Variants in DCAF7 observed in about 807,000 individuals in gnomAD.
DCAF7 encodes DDB1- and CUL4-associated factor 7.
A neutral mutation model predicts 41.2 loss-of-function variants in DCAF7; 4 were observed. That is an observed-to-expected ratio of 0.10 (90% CI 0.05 to 0.22). DCAF7 has a LOEUF of 0.22. DCAF7 is among the 10% of genes least tolerant of loss of function. The pLI, the probability that DCAF7 is intolerant of heterozygous loss-of-function variation, is 1.00. For missense variants in DCAF7, 131 were observed against 443.2 expected, an observed-to-expected ratio of 0.30 and a Z score of 6.32; for synonymous variants, 143 against 164.2, an observed-to-expected ratio of 0.87 and a Z score of 0.99.
chr17:63,559,351 A>ATATATATGTATG (rs2033347218), intron 1 of DCAF7, among the ~76,000 whole-genome samples: 1 of 132,528 alleles, frequency 7.5e-6, no homozygotes, highest in Admixed American at 8.0e-5. Flanking sequence ...ATATATACGT[A>ATATATATGTATG]TATATATGTA....
intron 1 of DCAF7, among the ~76,000 whole-genome samples, chr17:63,566,624 C>A (rs1362040908): frequency 6.6e-6 from 1 of 152,090 alleles, no homozygotes; most frequent in African/African-American, 2.4e-5. Context: ...TTGTTAAAAG[C>A]AAATTGCAGA....
At position 63,591,917 on chromosome 17, in the gene DCAF7, G is replaced by A. The variant is rs539931851; in HGVS notation, c.*2745G>A. ...AGCCTGAGGCACAGCTGCCTGTATT[G>A]TCCTCATCTGTTCTGACTGAAGGAT... is the stretch of plus-strand genomic sequence containing the variant. On this transcript the variant is annotated 3_prime_UTR_variant, in exon 7 of 7. Transcript: ENST00000614556. 1 of 152,382 alleles carries A rather than the reference G, an allele frequency of 6.6e-6. No homozygotes were observed. Among genetic ancestry groups the A allele is most frequent in the Admixed American group, 6.5e-5 (1 of 15,304 alleles). The allele number at this position is 152,382 out of a possible 1,614,324, so 9.4% of individuals were successfully genotyped here. A position where few individuals can be genotyped will look rare whatever the true frequency, so the allele number is the denominator to read the frequency against.
intron 1 of DCAF7, among the ~76,000 whole-genome samples, chr17:63,556,151 A>G (rs1236063959): frequency 6.6e-6 from 1 of 152,258 alleles, no homozygotes; most frequent in Admixed American, 6.5e-5. Context: ...TTTATTAACA[A>G]TTGTGGGAAA....
chr17:63,579,788 G>T, intron 3 of DCAF7, 37 bp from the exon 4 acceptor site: 1 of 1,542,828 alleles, frequency 6.5e-7, no homozygotes, highest in South Asian at 1.1e-5. Context: ...TGAGAACCTT[G>T]GTCCCGTCAG....
chr17:63,591,122 T>C lies in DCAF7; in HGVS notation c.*1950T>C, dbSNP rs1361183166. 1.3e-5 allele frequency: 2 copies of C among 152,166 alleles called. No homozygotes were observed. Among genetic ancestry groups the C allele is most frequent in the Non-Finnish European group, 2.9e-5 (2 of 68,060 alleles). 9.4% of individuals were successfully genotyped at this position (152,166 alleles called of 1,614,324 possible). A position where few individuals can be genotyped will look rare whatever the true frequency, so the allele number is the denominator to read the frequency against. On this transcript the variant is annotated 3_prime_UTR_variant, in exon 7 of 7. Coordinates refer to ENST00000614556, the MANE Select transcript of DCAF7 (RefSeq NM_005828.5). The stretch of plus-strand genomic sequence containing the variant: ...CTCTGCTTTTCATTGTGTTTGATAA[T>C]GGTTACTGGGTCCTTCTCTCAAGGG...
At chr17:63,564,524 T>G (rs902006574) in intron 1 of DCAF7, among the ~76,000 whole-genome samples, 2 of 151,878 alleles carry the variant, frequency 1.3e-5, no homozygotes, top group Non-Finnish European at 3.0e-5. Flanking sequence ...GTGGGGAAAA[T>G]GCAGTTTGGC....
intron 1 of DCAF7, among the ~76,000 whole-genome samples, chr17:63,555,717 A>G (rs2033303847): frequency 6.6e-6 from 1 of 152,222 alleles, no homozygotes; most frequent in Non-Finnish European, 1.5e-5. Context: ...TTCTGGTTTT[A>G]ACTTCCTCCT....
At chr17:63,582,594 A>G (rs1313881419) in intron 4 of DCAF7, among the ~76,000 whole-genome samples, 16 of 150,758 alleles carry the variant, frequency 1.1e-4, no homozygotes, top group Admixed American at 1.1e-3. Context: ...TTAGCCTCCC[A>G]TGTAGCTGGG....
At chr17:63,558,686 C>T (rs2033336574) in intron 1 of DCAF7, among the ~76,000 whole-genome samples, 1 of 152,064 alleles carries the variant, frequency 6.6e-6, no homozygotes, top group Non-Finnish European at 1.5e-5. Context: ...GAGCTCCTGA[C>T]CTCAAACAGT....
Position 63,563,880 on chromosome 17 carries a change from A to T in DCAF7, c.138+13065A>T, listed in dbSNP as rs376283822. Among the ~76,000 whole-genome samples, 25 of 152,226 alleles carry T rather than the reference A, an allele frequency of 1.6e-4. 1 individual carries two copies. In the South Asian group the frequency reaches 5.2e-3, roughly 32 times the overall value. ...TAAGTAGCGGCAAGTAAGAGAAAAC[A>T]GTGTACAGCACTGGGGGAATCCCGG... On this transcript the variant is annotated intron_variant, in intron 1 of 6. Coordinates refer to ENST00000614556, the MANE Select transcript of DCAF7 (RefSeq NM_005828.5).
rs2033755216 is a variant in DCAF7, at chr17:63,593,501, A to G, written c.*4329A>G. On this transcript the variant is annotated 3_prime_UTR_variant, in exon 7 of 7. Transcript: ENST00000614556. ...AACGAGAAACAAATAAGCTAAAGAA[A>G]GTTTAAACTCAAGAAGAAAGATGTT... is the stretch of plus-strand genomic sequence containing the variant. 6.5e-6 allele frequency: 1 copy of G among 152,672 alleles called. No individual in the cohort carries two copies. The highest frequency in any genetic ancestry group is 2.1e-4 in the South Asian group (1 of 4,828). The allele number at this position is 152,672 out of a possible 1,614,324, so 9.5% of individuals were successfully genotyped here.
intron 1 of DCAF7, among the ~76,000 whole-genome samples, chr17:63,576,179 C>T (rs1387065227): frequency 1.3e-5 from 2 of 152,310 alleles, no homozygotes; most frequent in South Asian, 2.1e-4. Flanking sequence ...CTGTAGCTCA[C>T]GCCTGTAATC....
intron 1 of DCAF7, among the ~76,000 whole-genome samples, chr17:63,571,414 TA>T (rs2033505398): frequency 2.6e-5 from 4 of 152,164 alleles, no homozygotes; most frequent in Admixed American, 2.6e-4. Flanking sequence ...TATTTACAGT[TA>T]GTATAAATTA....
At chr17:63,585,894 G>T (rs1187627659) in intron 6 of DCAF7, among the ~76,000 whole-genome samples, 2 of 152,132 alleles carry the variant, frequency 1.3e-5, no homozygotes, top group Non-Finnish European at 2.9e-5. Flanking sequence ...GGCTGAGGCG[G>T]GTGGATCACC....
rs1249230116 is a variant in DCAF7, at chr17:63,583,806, C to A, written c.738+95C>A. The A allele has an allele frequency of 2.4e-6, 3 of 1,275,382 alleles. No individual in the cohort carries two copies. In the East Asian group the frequency reaches 7.4e-5, roughly 32 times the overall value. 79.0% of individuals were successfully genotyped at this position (1,275,382 alleles called of 1,614,324 possible). A position where few individuals can be genotyped will look rare whatever the true frequency, so the allele number is the denominator to read the frequency against. On this transcript the variant is annotated intron_variant, in intron 5 of 6. Transcript: ENST00000614556. Reference sequence around the variant, plus strand: ...GGTTCTCAACTGGAGCAGTTTGGCTCCCGGAGTATCTTTGGGAATGTCTGG... The same window carrying A: ...GGTTCTCAACTGGAGCAGTTTGGCTACCGGAGTATCTTTGGGAATGTCTGG...
At position 63,589,928 on chromosome 17, in the gene DCAF7, G is replaced by A. The variant is rs934160466; in HGVS notation, c.*756G>A. The A allele has an allele frequency of 6.5e-6, 1 of 152,808 alleles. No individual in the cohort carries two copies. Among genetic ancestry groups the A allele is most frequent in the African/African-American group, 2.4e-5 (1 of 41,446 alleles). 9.5% of individuals were successfully genotyped at this position (152,808 alleles called of 1,614,324 possible). A position where few individuals can be genotyped will look rare whatever the true frequency, so the allele number is the denominator to read the frequency against. On this transcript the variant is annotated 3_prime_UTR_variant, in exon 7 of 7. Transcript: ENST00000614556. ...CTCCTCTCAAGGGCATTCTGGGCTTGTAAACAGACATAGGAAGCCTCTGTT... is the reference window on the plus strand; with the variant it reads ...CTCCTCTCAAGGGCATTCTGGGCTTATAAACAGACATAGGAAGCCTCTGTT...
At chr17:63,568,885 C>T (rs969777209) in intron 1 of DCAF7, among the ~76,000 whole-genome samples, 2 of 152,240 alleles carry the variant, frequency 1.3e-5, no homozygotes, top group South Asian at 2.1e-4. Context: ...ATGCACGCTG[C>T]GTCTGTGGCC....
At chr17:63,566,287 C>T (rs2033440587) in intron 1 of DCAF7, among the ~76,000 whole-genome samples, 2 of 151,548 alleles carry the variant, frequency 1.3e-5, no homozygotes, top group Non-Finnish European at 1.5e-5. Context: ...AGGAGAATGG[C>T]GTGAACCTGG....
Position 63,550,724 on chromosome 17 carries a change from C to A in DCAF7, c.47C>A (p.Pro16His). Reference sequence around the variant, plus strand: ...AAGGAGATCTACAAGTATGAAGCGCCCTGGACAGTCTACGCGATGAACTGG... The same window carrying A: ...AAGGAGATCTACAAGTATGAAGCGCACTGGACAGTCTACGCGATGAACTGG... The part of the protein sequence containing the change: ...KRKEIYKYEA[P>H]WTVYAMNWSV... The change falls in exon 1 of 7, where the codon CCC becomes CAC. Residue 16 changes from proline (P) to histidine (H), a missense_variant. Pro to His is a moderately conservative substitution (Grantham distance 77). Transcript: ENST00000614556. The surrounding 1 kb of genome is among the most constrained non-coding windows in gnomAD (Gnocchi z 4.8). 1 of 1,613,936 alleles carries A rather than the reference C, an allele frequency of 6.2e-7. No individual in the cohort carries two copies. The highest frequency in any genetic ancestry group is 8.5e-7 in the Non-Finnish European group (1 of 1,179,844).
Sources: allele counts gnomAD v4.1 joint callset (sites outside exome capture counted in the v4.1 genomes callset), GRCh38; gene constraint gnomAD v4.1.1; non-coding constraint Gnocchi (gnomAD v3.1); transcripts MANE v1.5; gene names NCBI Gene and HGNC (gene_info 2026-07-23, HGNC 2026-07-21).